UBR3: variants seen among roughly 807,000 people sequenced by gnomAD.
UBR3 encodes E3 ubiquitin-protein ligase UBR3.
In UBR3, 85 loss-of-function variants were observed where a neutral mutation model predicts 243.2. The ratio of observed to expected loss-of-function variants is 0.35; its 90% CI spans 0.29 to 0.42. The LOEUF (loss-of-function observed/expected upper bound fraction) is 0.42. Among genes scored for constraint, UBR3 ranks in the 10% least tolerant of loss-of-function variants. The pLI is 1.00. For synonymous variants in UBR3, 748 were observed against 799.8 expected, an observed-to-expected ratio of 0.94 and a Z score of 1.09; for missense variants, 1,686 against 2,300.8, an observed-to-expected ratio of 0.73 and a Z score of 5.47.
intron 10 of UBR3, among the ~76,000 whole-genome samples, chr2:169,910,374 A>G (rs2085204988): frequency 6.6e-6 from 1 of 152,170 alleles, no homozygotes; most frequent in Non-Finnish European, 1.5e-5. Context: ...TATGATATTG[A>G]TATAAAAAGA....
At chr2:169,847,333 CTCT>C (rs1227097691) in intron 1 of UBR3, among the ~76,000 whole-genome samples, 1 of 151,882 alleles carries the variant, frequency 6.6e-6, no homozygotes, top group East Asian at 1.9e-4. Flanking sequence ...TTTCCATTTA[CTCT>C]TCTTTGTTGG....
At chr2:169,828,128 G>C in intron 1 of UBR3, 76 bp downstream of exon 1, 1 of 1,323,854 alleles carries the variant, frequency 7.6e-7, no homozygotes, top group Non-Finnish European at 9.7e-7. Flanking sequence ...CGGAGCACTG[G>C]GAGCCCACTC....
At chr2:170,065,274 G>GTGTT (rs2091537399) in intron 35 of UBR3, among the ~76,000 whole-genome samples, 2 of 151,806 alleles carry the variant, frequency 1.3e-5, no homozygotes, top group Admixed American at 1.3e-4. Context: ...ATTTAGTCAG[G>GTGTT]TGTTTTAATA....
At chr2:169,998,689 T>A (rs2089585339) in intron 26 of UBR3, among the ~76,000 whole-genome samples, 1 of 152,226 alleles carries the variant, frequency 6.6e-6, no homozygotes, top group Admixed American at 6.5e-5. Flanking sequence ...AGGATTAAAC[T>A]GTAGATTCTA....
At chr2:169,845,564 CTTCTTCT>C (rs1204119058) in intron 1 of UBR3, among the ~76,000 whole-genome samples, 19 of 141,630 alleles carry the variant, frequency 1.3e-4, no homozygotes, top group Middle Eastern at 7.6e-3. Flanking sequence ...TCTTCTTCTT[CTTCTTCT>C]TTCTTCTTTC....
At chr2:169,885,598 AC>A (rs2084061528) in intron 5 of UBR3, among the ~76,000 whole-genome samples, 3 of 152,040 alleles carry the variant, frequency 2.0e-5, no homozygotes, top group Admixed American at 6.6e-5. Flanking sequence ...GAAAAAAAAA[AC>A]AAAAAGAAAA....
Position 169,949,785 on chromosome 2 carries a change from A to G in UBR3, c.3265A>G (p.Ile1089Val), listed in dbSNP as rs191740574. The change falls in exon 23 of 39, where the codon ATA (isoleucine) becomes GTA (valine). Residue 1089 changes from isoleucine (I) to valine (V), a missense_variant. By Grantham distance (29) the Ile-to-Val change is conservative (BLOSUM62 3). Coordinates refer to ENST00000272793, the MANE Select transcript of UBR3 (RefSeq NM_172070.4). Reference sequence around the variant, plus strand: ...AGCCATTTTGGAAATTAAAGAAAGCATATTGTCTTTGCTAATTAAACTTCA... The same window carrying G: ...AGCCATTTTGGAAATTAAAGAAAGCGTATTGTCTTTGCTAATTAAACTTCA... ...TTAILEIKES[I>V]LSLLIKLHHK... The G allele has an allele frequency of 1.9e-6, 3 of 1,551,806 alleles. No individual in the cohort carries two copies. Among genetic ancestry groups the G allele is most frequent in the East Asian group, 2.4e-5 (1 of 40,922 alleles).
chr2:169,837,880 C>T (rs1263269934), intron 1 of UBR3, among the ~76,000 whole-genome samples: 1 of 152,056 alleles, frequency 6.6e-6, no homozygotes, highest in Non-Finnish European at 1.5e-5. Context: ...CATTTTTTTC[C>T]TCCATTGATC....
intron 18 of UBR3, among the ~76,000 whole-genome samples, chr2:169,931,305 C>A (rs2086115384): frequency 1.4e-5 from 2 of 138,308 alleles, no homozygotes; most frequent in Non-Finnish European, 3.0e-5. Flanking sequence ...GAGCCGAGAT[C>A]GCGCCACTGT....
intron 26 of UBR3, among the ~76,000 whole-genome samples, chr2:169,995,903 C>A (rs1035155956): frequency 6.6e-6 from 1 of 151,940 alleles, no homozygotes; most frequent in African/African-American, 2.4e-5. Flanking sequence ...ATGGGGTTTC[C>A]TTTCTCCTGT....
intron 33 of UBR3, among the ~76,000 whole-genome samples, chr2:170,057,619 T>C (rs563116504): frequency 6.6e-6 from 1 of 152,248 alleles, no homozygotes; most frequent in South Asian, 2.1e-4. Flanking sequence ...TCTAACTATT[T>C]ACAATTGTAA....
At chr2:169,968,203 T>C (rs1457124445) in intron 24 of UBR3, among the ~76,000 whole-genome samples, 1 of 152,206 alleles carries the variant, frequency 6.6e-6, no homozygotes, top group Non-Finnish European at 1.5e-5. Context: ...TATCATTTCT[T>C]TGTGTTAGGA....
At chr2:170,035,612 GTTC>G (rs1201274907) in intron 31 of UBR3, among the ~76,000 whole-genome samples, 7 of 151,924 alleles carry the variant, frequency 4.6e-5, no homozygotes, top group African/African-American at 7.2e-5. Context: ...ATCTAATTTT[GTTC>G]TTCTTCGATT....
chr2:169,974,040 A>C (rs1179525873), intron 24 of UBR3, among the ~76,000 whole-genome samples: 1 of 152,208 alleles, frequency 6.6e-6, no homozygotes, highest in Non-Finnish European at 1.5e-5. Flanking sequence ...CCTTGGAATA[A>C]ATCACATTTG....
intron 1 of UBR3, among the ~76,000 whole-genome samples, chr2:169,837,661 C>G (rs1483132674): frequency 6.6e-6 from 1 of 152,080 alleles, no homozygotes; most frequent in Non-Finnish European, 1.5e-5. Context: ...CTTATAAAAC[C>G]ATTACATCTC....
intron 1 of UBR3, among the ~76,000 whole-genome samples, chr2:169,868,501 G>C (rs1574082042): frequency 6.6e-6 from 1 of 152,166 alleles, no homozygotes; most frequent in Admixed American, 6.5e-5. Context: ...AGTAGAAACA[G>C]GGCTTTGCCA....
chr2:169,874,994 A>T, intron 2 of UBR3, among the ~76,000 whole-genome samples: 1 of 109,094 alleles, frequency 9.2e-6, no homozygotes. Context: ...GTTGTTGTCC[A>T]AGCTTTTCTT....
rs1033607210 is a variant in UBR3, at chr2:169,907,042, T to C, written c.1779+878T>C. On this transcript the variant is annotated intron_variant, in intron 10 of 38. Coordinates refer to ENST00000272793, the MANE Select transcript of UBR3 (RefSeq NM_172070.4). ...ACTAGGTTCAAATTTCTTTCTTTTT[T>C]TTTTTTTTTTTTTTTTAGAGGGAGT... Among the ~76,000 whole-genome samples the C allele has an allele frequency of 7.8e-4, 115 of 147,754 alleles. 1 individual carries two copies. Among genetic ancestry groups the C allele is most frequent in the African/African-American group, 2.3e-3 (93 of 40,342 alleles).
intron 24 of UBR3, among the ~76,000 whole-genome samples, chr2:169,974,252 C>G (rs938400060): frequency 6.6e-6 from 1 of 152,076 alleles, no homozygotes; most frequent in African/African-American, 2.4e-5. Flanking sequence ...GGTACTGGTT[C>G]TTTAACATTT....
Sources: gnomAD v4.1 joint callset for allele counts (sites outside exome capture counted in the v4.1 genomes callset) on GRCh38, gnomAD v4.1.1 for gene constraint, MANE v1.5 for transcripts, NCBI Gene and HGNC (gene_info 2026-07-23, HGNC 2026-07-21) for gene names.